Variants in STARD13 observed in about 807,000 individuals in gnomAD.
STARD13 encodes stAR-related lipid transfer protein 13.
A neutral mutation model predicts 106.4 loss-of-function variants in STARD13; 62 were observed. The observed-to-expected ratio is 0.58, with a 90% CI of 0.48 to 0.72. The LOEUF is 0.72. STARD13 is among the 30% of genes least tolerant of loss of function. The pLI is 0.00. For synonymous variants in STARD13, 565 were observed against 553.0 expected (o/e 1.02, Z -0.31); for missense variants, 1,387 against 1,424.0 (o/e 0.97, Z 0.42).
At chr13:33,483,364 A>G in the STARD13 span, among the ~76,000 whole-genome samples, 5 of 152,196 alleles carry the variant, frequency 3.3e-5, no homozygotes, top group African/African-American at 9.6e-5. Context: ...GTTGGAAGAA[A>G]ATTCTAATTT....
chr13:33,214,132 T>G (rs1427906674), intron 1 of STARD13, among the ~76,000 whole-genome samples: 1 of 152,230 alleles, frequency 6.6e-6, no homozygotes, highest in Non-Finnish European at 1.5e-5. Context: ...AGCATCTCTT[T>G]TAAAGTTCAC....
chr13:33,532,864 C>T, the STARD13 span, among the ~76,000 whole-genome samples: 1 of 152,066 alleles, frequency 6.6e-6, no homozygotes, highest in South Asian at 2.1e-4. Context: ...TATTTCCACA[C>T]AAAACTGGGT....
At chr13:33,492,694 T>C in the STARD13 span, among the ~76,000 whole-genome samples, 1 of 152,196 alleles carries the variant, frequency 6.6e-6, no homozygotes, top group Non-Finnish European at 1.5e-5. Flanking sequence ...ATCCACCCCT[T>C]GTTTAGCATA....
At chr13:33,158,113 G>A (rs890545991) in intron 3 of STARD13, among the ~76,000 whole-genome samples, 2 of 152,090 alleles carry the variant, frequency 1.3e-5, no homozygotes, top group Admixed American at 1.3e-4. Context: ...AGACATGGTT[G>A]TCATTCTGGA....
rs145853149 is a variant in STARD13, at chr13:33,328,567, A to G, written c.124+21723T>C. Among the ~76,000 whole-genome samples, 14 of 152,358 alleles carry G rather than the reference A, an allele frequency of 9.2e-5. No homozygotes were observed. The East Asian group carries it at 2.7e-3, about 29-fold the overall frequency. ...GCAGGAAATGCATTTTTCTTTTTGA[A>G]AGATTGACCAAGAAAGGGTAAGAGG... On this transcript the variant is annotated intron_variant, in intron 1 of 5. Transcript: ENST00000567873.
the STARD13 span, among the ~76,000 whole-genome samples, chr13:33,558,664 T>TGCTCAGAGGTCAGG: frequency 6.6e-6 from 1 of 151,876 alleles, no homozygotes; most frequent in African/African-American, 2.4e-5. Context: ...GCTCAGAAGC[T>TGCTCAGAGGTCAGG]AATGTTTCAC....
At chr13:33,301,897 C>G (rs909850057) in intron 1 of STARD13, among the ~76,000 whole-genome samples, 1 of 151,962 alleles carries the variant, frequency 6.6e-6, no homozygotes, top group African/African-American at 2.4e-5. Flanking sequence ...TTTAGAAAGA[C>G]TGGACTTGCC....
At chr13:33,195,613 C>T (rs993425466) in intron 1 of STARD13, among the ~76,000 whole-genome samples, 1 of 152,190 alleles carries the variant, frequency 6.6e-6, no homozygotes, top group African/African-American at 2.4e-5. Context: ...GAAGCCGACA[C>T]GTAGCACCCA....
At chr13:33,122,584 C>T (rs553710636) in intron 7 of STARD13, among the ~76,000 whole-genome samples, 1 of 152,342 alleles carries the variant, frequency 6.6e-6, no homozygotes, top group African/African-American at 2.4e-5. Context: ...AGCCCAGCCA[C>T]CCTCTTGAGA....
intron 7 of STARD13, among the ~76,000 whole-genome samples, chr13:33,120,981 T>C (rs939245658): frequency 1.5e-4 from 23 of 152,160 alleles, no homozygotes; most frequent in Non-Finnish European, 2.9e-4. Context: ...CCTCAAGTGA[T>C]CCACCCACCT....
intron 1 of STARD13, among the ~76,000 whole-genome samples, chr13:33,215,129 G>T (rs1038323131): frequency 1.2e-4 from 14 of 117,490 alleles, no homozygotes; most frequent in Admixed American, 3.0e-4. Context: ...TGGGGGGGGG[G>T]GTGGGGGGAA....
At chr13:33,384,530 G>A in the STARD13 span, among the ~76,000 whole-genome samples, 1 of 152,174 alleles carries the variant, frequency 6.6e-6, no homozygotes, top group Non-Finnish European at 1.5e-5. Context: ...TTAAAATGTA[G>A]CAGTTATGTA....
At position 33,126,111 on chromosome 13, in the gene STARD13, C is replaced by G. The variant is rs893503817; in HGVS notation, c.2052G>C (p.Leu684=). 1 of 1,614,026 alleles carries G rather than the reference C, an allele frequency of 6.2e-7. No individual in the cohort carries two copies. The highest frequency in any genetic ancestry group is 1.3e-5 in the African/African-American group (1 of 74,918). ...CGAGGCAGTTGCTGCGTAGATATCT[C>G]AGTGCTTGCTGAATACTTTGAGGCA... is the stretch of plus-strand genomic sequence containing the variant. ...QPLPQSIQQA[L]RYLRSNCLDQ... The change falls in exon 7 of 14, where the codon CTG becomes CTC. Residue 684 remains leucine, a synonymous_variant. Transcript: ENST00000336934.
At chr13:33,379,336 T>C in the STARD13 span, among the ~76,000 whole-genome samples, 1 of 152,210 alleles carries the variant, frequency 6.6e-6, no homozygotes, top group South Asian at 2.1e-4. Flanking sequence ...TTTGCAGAAT[T>C]TTTCATAAAA....
At chr13:33,567,816 T>C in the STARD13 span, among the ~76,000 whole-genome samples, 1 of 148,062 alleles carries the variant, frequency 6.8e-6, no homozygotes, top group African/African-American at 2.5e-5. Context: ...AACATCTCCA[T>C]GTCAAAATAG....
intron 1 of STARD13, among the ~76,000 whole-genome samples, chr13:33,330,684 C>T (rs918936210): frequency 6.6e-6 from 1 of 152,130 alleles, no homozygotes; most frequent in Admixed American, 6.6e-5. Context: ...GATATCAGTT[C>T]CACTATGGAA....
At chr13:33,148,674 T>C (rs558697284) in intron 3 of STARD13, among the ~76,000 whole-genome samples, 12 of 152,346 alleles carry the variant, frequency 7.9e-5, no homozygotes, top group African/African-American at 2.6e-4. Context: ...AGCTTCTTAC[T>C]GCCAAATACA....
At chr13:33,481,023 A>G in the STARD13 span, among the ~76,000 whole-genome samples, 1 of 152,168 alleles carries the variant, frequency 6.6e-6, no homozygotes, top group Non-Finnish European at 1.5e-5. Context: ...GGCTTAAAGC[A>G]TATCAAATAT....
chr13:33,641,185 A>G, the STARD13 span, among the ~76,000 whole-genome samples: 1 of 152,180 alleles, frequency 6.6e-6, no homozygotes, highest in Non-Finnish European at 1.5e-5. Context: ...GACTCTCTCT[A>G]GAATAGGGTT....
Sources: gnomAD v4.1 joint callset for allele counts (sites outside exome capture counted in the v4.1 genomes callset) on GRCh38, gnomAD v4.1.1 for gene constraint, MANE v1.5 for transcripts, NCBI Gene and HGNC (gene_info 2026-07-23, HGNC 2026-07-21) for gene names.